The following RBM44 variants were observed in gnomAD, a reference collection of about 807,000 sequenced individuals.
The protein encoded by RBM44 is RNA-binding protein 44.
In RBM44, 66 loss-of-function variants were observed where a neutral mutation model predicts 105.1. That is an observed-to-expected ratio of 0.63 (90% CI 0.52 to 0.77). RBM44 has a LOEUF of 0.77. Ranked by LOEUF, RBM44 falls within the 30% of genes least tolerant of loss-of-function variation. The probability of loss-of-function intolerance (pLI) is 0.00; values close to 1 mark genes in which losing one functional copy is unlikely to be tolerated. For synonymous variants in RBM44, 365 were observed against 417.6 expected (o/e 0.87, Z 1.54); for missense variants, 1,122 against 1,207.8 (o/e 0.93, Z 1.05).
At chr2:237,839,579 C>T (rs1264909536) in intron 15 of RBM44, among the ~76,000 whole-genome samples, 7 of 152,084 alleles carry the variant, frequency 4.6e-5, no homozygotes. Context: ...CCTAAAAGAA[C>T]AATTTTCAAA....
rs919293325 is a variant in RBM44, at chr2:237,842,046, AT to A, written c.*235del. ...TCTATATATTTAAAGTTAAAATATA[AT>A]TTTTAATAAGTTTTTAAATTTTTTT... On this transcript the variant is annotated 3_prime_UTR_variant, in exon 16 of 16. Coordinates refer to ENST00000316997, the MANE Select transcript of RBM44 (RefSeq NM_001080504.3). 6 of 152,074 alleles carry A rather than the reference AT, an allele frequency of 3.9e-5. No individual in the cohort carries two copies. The highest frequency in any genetic ancestry group is 8.8e-5 in the Non-Finnish European group (6 of 67,970). The allele number at this position is 152,074 out of a possible 1,614,324, so 9.4% of individuals were successfully genotyped here. A position where few individuals can be genotyped will look rare whatever the true frequency, so the allele number is the denominator to read the frequency against.
intron 2 of RBM44, among the ~76,000 whole-genome samples, chr2:237,814,541 A>G (rs2061693578): frequency 6.6e-6 from 1 of 152,154 alleles, no homozygotes; most frequent in African/African-American, 2.4e-5. Flanking sequence ...AAAAAAATCT[A>G]TTGAAGAGAA....
chr2:237,835,412 G>T (rs1391217075), intron 15 of RBM44, among the ~76,000 whole-genome samples: 1 of 152,156 alleles, frequency 6.6e-6, no homozygotes, highest in Non-Finnish European at 1.5e-5. Flanking sequence ...AGTGAGGAAG[G>T]CATGTCAAAA....
chr2:237,813,609 G>T lies in RBM44; in HGVS notation c.-1G>T, dbSNP rs774997070. 2 of 1,595,582 alleles carry T rather than the reference G, an allele frequency of 1.3e-6. No individual in the cohort carries two copies. Among genetic ancestry groups the T allele is most frequent in the Admixed American group, 3.3e-5 (2 of 59,708 alleles). On this transcript the variant is annotated 5_prime_UTR_variant, in exon 2 of 16. It removes an upstream start codon present in the reference 5' UTR. Transcript: ENST00000316997. Reference sequence around the variant, plus strand: ...TTTTCTAGATTATATATCTTTGAATGATGCAGGCCACTGCAGTGGTGGAGA... The same window carrying T: ...TTTTCTAGATTATATATCTTTGAATTATGCAGGCCACTGCAGTGGTGGAGA...
chr2:237,806,362 T>C (rs7575809), intron 1 of RBM44, among the ~76,000 whole-genome samples: 4,105 of 152,308 alleles, frequency 0.027, 150 homozygotes, highest in African/African-American at 0.083. Flanking sequence ...CTATTTTGTT[T>C]ACTTCTCCTC....
At position 237,820,265 on chromosome 2, in the gene RBM44, C is replaced by T; in HGVS notation, c.1827C>T (p.His609=). Residue 609 remains histidine (H), a synonymous_variant, in exon 5 of 16, where the codon CAC becomes CAT. Coordinates refer to ENST00000316997, the MANE Select transcript of RBM44 (RefSeq NM_001080504.3). ...IMQRAIKAEL[H]LLNVHYQMCR... ...AGAGAGCCATAAAAGCAGAGCTGCA[C>T]CTTTTAAATGTTCACTATCAGATGT... is the stretch of plus-strand genomic sequence containing the variant. The T allele has an allele frequency of 6.3e-7, 1 of 1,599,524 alleles. No individual in the cohort carries two copies. Among genetic ancestry groups the T allele is most frequent in the Non-Finnish European group, 8.5e-7 (1 of 1,170,666 alleles).
chr2:237,830,345 T>C (rs1348661227), intron 13 of RBM44, among the ~76,000 whole-genome samples: 1 of 152,190 alleles, frequency 6.6e-6, no homozygotes, highest in African/African-American at 2.4e-5. Flanking sequence ...ATATTCTGAT[T>C]TTAAGTCCTT....
At chr2:237,805,931 G>C (rs1047871297) in intron 1 of RBM44, among the ~76,000 whole-genome samples, 1 of 152,146 alleles carries the variant, frequency 6.6e-6, no homozygotes. Flanking sequence ...AGTGAGCTCT[G>C]ATGGCACCAC....
chr2:237,803,903 T>C lies in RBM44; in HGVS notation c.-19+5042T>C, dbSNP rs1314934025. ...TTAGACCTTTTTTTTTTTTCTTTTTTTTGAGACAGAGTCTTGCTTTGTCAC... is the reference window on the plus strand; with the variant it reads ...TTAGACCTTTTTTTTTTTTCTTTTTCTTGAGACAGAGTCTTGCTTTGTCAC... On this transcript the variant is annotated intron_variant, in intron 1 of 15. Transcript: ENST00000316997. This position sits in a 1 kb window ranked among gnomAD's most constrained non-coding sequence, Gnocchi z 4.2. Among the ~76,000 whole-genome samples, 4 of 152,238 alleles carry C rather than the reference T, an allele frequency of 2.6e-5. No homozygotes were observed. The highest frequency in any genetic ancestry group is 3.4e-3 in the Middle Eastern group (1 of 294).
intron 15 of RBM44, 153 bp downstream of exon 15, chr2:237,834,576 G>T: frequency 2.8e-6 from 1 of 359,420 alleles, no homozygotes; most frequent in Non-Finnish European, 4.8e-6. Flanking sequence ...ACTGTAATTA[G>T]TTAACTACTA....
chr2:237,833,863 A>G, intron 13 of RBM44, 134 bp from the exon 14 acceptor site: 1 of 462,420 alleles, frequency 2.2e-6, no homozygotes, highest in Non-Finnish European at 3.5e-6. Context: ...AAACAATCCC[A>G]AGTTAAAGTA....
At chr2:237,814,518 C>T (rs1337605637) in intron 2 of RBM44, among the ~76,000 whole-genome samples, 1 of 151,240 alleles carries the variant, frequency 6.6e-6, no homozygotes, top group Non-Finnish European at 1.5e-5. Flanking sequence ...AATGGTCCCC[C>T]AAAAATAAAC....
intron 9 of RBM44, among the ~76,000 whole-genome samples, chr2:237,823,937 C>A (rs1279998895): frequency 6.6e-6 from 1 of 152,062 alleles, no homozygotes; most frequent in Non-Finnish European, 1.5e-5. Context: ...TTAATTCTTT[C>A]AAAGATGTTT....
Position 237,819,089 on chromosome 2 carries a change from C to T in RBM44, c.1736+130C>T, listed in dbSNP as rs546659713. Reference sequence around the variant, plus strand: ...GACTTTAAGAAATCATCTGTTTCAACCGTTTGCATTCAAATAAATATTAAA... The same window carrying T: ...GACTTTAAGAAATCATCTGTTTCAATCGTTTGCATTCAAATAAATATTAAA... On this transcript the variant is annotated intron_variant, in intron 4 of 15. Coordinates refer to ENST00000316997, the MANE Select transcript of RBM44 (RefSeq NM_001080504.3). 325 of 453,552 alleles carry T rather than the reference C, an allele frequency of 7.2e-4. 2 individuals carry two copies. Among genetic ancestry groups the T allele is most frequent in the African/African-American group, 6.0e-3 (293 of 48,946 alleles). 28.1% of individuals were successfully genotyped at this position (453,552 alleles called of 1,614,324 possible).
In RBM44 at chr2:237,820,285, A is replaced by G; in HGVS notation, c.1847A>G (p.Gln616Arg). The change falls in exon 5 of 16, where the codon CAG (glutamine) becomes CGG (arginine). Residue 616 changes from glutamine to arginine, a missense_variant. By Grantham distance (43) the Gln-to-Arg change is conservative. Transcript: ENST00000316997. ...AELHLLNVHY[Q>R]MCRRHCCDIY... ...CTGCACCTTTTAAATGTTCACTATCAGATGTGTCGTCGCCATTGTTGTGAT... is the reference window on the plus strand; with the variant it reads ...CTGCACCTTTTAAATGTTCACTATCGGATGTGTCGTCGCCATTGTTGTGAT... 6.2e-7 allele frequency: 1 copy of G among 1,604,962 alleles called. No homozygotes were observed. Among genetic ancestry groups the G allele is most frequent in the Non-Finnish European group, 8.5e-7 (1 of 1,174,678 alleles).
At chr2:237,827,622 C>A (rs1269418913) in intron 12 of RBM44, 119 bp downstream of exon 12, 4 of 658,874 alleles carry the variant, frequency 6.1e-6, no homozygotes, top group Middle Eastern at 4.2e-4. Flanking sequence ...CAGGGTTTCA[C>A]AGGCCAGGGA....
At chr2:237,820,882 C>G in intron 5 of RBM44, 189 bp from the exon 6 acceptor site, 1 of 495,516 alleles carries the variant, frequency 2.0e-6, no homozygotes, top group Non-Finnish European at 3.5e-6. Flanking sequence ...ACCCCCGTCT[C>G]TACAATACAT....
chr2:237,818,035 A>G lies in RBM44; in HGVS notation c.1116A>G (p.Gln372=), dbSNP rs377232419. The change falls in exon 3 of 16, where the codon CAA becomes CAG. Residue 372 remains glutamine (Q), a synonymous_variant. Coordinates refer to ENST00000316997, the MANE Select transcript of RBM44 (RefSeq NM_001080504.3). The surrounding 1 kb of genome is among the most constrained non-coding windows in gnomAD (Gnocchi z 4.6). Reference sequence around the variant, plus strand: ...ATAAAGCTTTAGAGACATTACTCCAACCCTGTAAAGATTGTCAAACTTCCT... The same window carrying G: ...ATAAAGCTTTAGAGACATTACTCCAGCCCTGTAAAGATTGTCAAACTTCCT... ...PQDKALETLL[Q]PCKDCQTSWT... is the part of the protein sequence containing the mutation. 1.3e-5 allele frequency: 21 copies of G among 1,612,834 alleles called. No individual in the cohort carries two copies. Among genetic ancestry groups the G allele is most frequent in the East Asian group, 6.7e-5 (3 of 44,870 alleles).
chr2:237,839,179 GC>G (rs2061986893), intron 15 of RBM44, among the ~76,000 whole-genome samples: 1 of 152,286 alleles, frequency 6.6e-6, no homozygotes, highest in Non-Finnish European at 1.5e-5. Context: ...CTACATATGT[GC>G]CAGTTGATAT....
Sources: allele counts gnomAD v4.1 joint callset (sites outside exome capture counted in the v4.1 genomes callset), GRCh38; gene constraint gnomAD v4.1.1; non-coding constraint Gnocchi (gnomAD v3.1); transcripts MANE v1.5; gene names NCBI Gene and HGNC (gene_info 2026-07-23, HGNC 2026-07-21).